The following CACNA1S variants were observed in gnomAD, a reference collection of about 807,000 sequenced individuals.
CACNA1S encodes calcium voltage-gated channel subunit alpha1 S.
CACNA1S carries 126 observed loss-of-function variants against 207.4 expected under a neutral mutation model. That is an observed-to-expected ratio of 0.61 (90% CI 0.53 to 0.70). The LOEUF is 0.70. Ranked by LOEUF, CACNA1S falls within the 30% of genes least tolerant of loss-of-function variation. CACNA1S has a pLI of 0.00. For missense variants in CACNA1S, 2,349 were observed against 2,422.8 expected (o/e 0.97, Z 0.64); for synonymous variants, 960 against 932.7 (o/e 1.03, Z -0.53).
rs531186512 is a variant in CACNA1S at position 201,067,201 on chromosome 1, G to A, written c.2551-208C>T. Among the ~76,000 whole-genome samples the A allele has an allele frequency of 1.1e-4, 17 of 152,278 alleles. 1 individual carries two copies. The South Asian group carries it at 2.3e-3, about 20-fold the overall frequency. On this transcript the variant is annotated intron_variant, in intron 19 of 43. Transcript: ENST00000362061. ...TTGTTGAAATGTGAGGACTTCTCAC[G>A]GGCAGCTGGGCCAGAAGTCTCTTTC...
rs781639323 is a variant in CACNA1S at position 201,069,208 on chromosome 1, G to A, written c.2491-12C>T. 8.7e-6 allele frequency: 14 copies of A among 1,613,388 alleles called. No homozygotes were observed. In the East Asian group the frequency reaches 2.5e-4, roughly 28 times the overall value. Reference sequence around the variant, plus strand: ...AAGTGTTTAAGGATCTGGGGACAGGGCAGGGGCGGGAGCAGCCAGTGAGAG... The same window carrying A: ...AAGTGTTTAAGGATCTGGGGACAGGACAGGGGCGGGAGCAGCCAGTGAGAG... On this transcript the variant is annotated splice_polypyrimidine_tract_variant and intron_variant, in intron 18 of 43. Coordinates refer to ENST00000362061, the MANE Select transcript of CACNA1S (RefSeq NM_000069.3).
In CACNA1S at chr1:201,054,560, GTC is replaced by G. The variant is rs762182970; in HGVS notation, c.3610-1_3610del. On this transcript the variant is annotated splice_acceptor_variant and coding_sequence_variant, in exon 29 of 44. Transcript: ENST00000362061. LOFTEE classifies it high-confidence loss of function. ...CAGTCCCCCGCTGGAGGCCAGGAAA[GTC>G]TGTGGAGAAAAGAGACGAAGGGAGG... The G allele has an allele frequency of 1.9e-6, 3 of 1,613,178 alleles. No individual in the cohort carries two copies. The highest frequency in any genetic ancestry group is 2.2e-5 in the South Asian group (2 of 90,826).
chr1:201,042,133 T>A (rs1204661479), intron 40 of CACNA1S, among the ~76,000 whole-genome samples: 1 of 152,146 alleles, frequency 6.6e-6, no homozygotes, highest in African/African-American at 2.4e-5. Flanking sequence ...TGTTTATTTG[T>A]TTTGTTTTGT....
intron 25 of CACNA1S, 34 bp from the exon 26 acceptor site, chr1:201,060,850 A>AGAG: frequency 1.9e-6 from 3 of 1,613,606 alleles, no homozygotes; most frequent in Non-Finnish European, 2.5e-6. Flanking sequence ...GTCAGCACCA[A>AGAG]GAGGCCCCTC....
chr1:201,044,725 G>A (rs1485923377), intron 38 of CACNA1S, among the ~76,000 whole-genome samples: 4 of 152,184 alleles, frequency 2.6e-5, no homozygotes, highest in Admixed American at 2.0e-4. Flanking sequence ...TGGCTAGGCT[G>A]GTCTCAAACT....
chr1:201,083,250 A>G lies in CACNA1S; in HGVS notation c.1305T>C (p.Tyr435=), dbSNP rs763639897. 2.9e-5 allele frequency: 47 copies of G among 1,614,112 alleles called. No individual in the cohort carries two copies. Among genetic ancestry groups the G allele is most frequent in the Admixed American group, 1.2e-4 (7 of 60,004 alleles). ...GGGCAACGATGAGAATCACCAGCCA[A>G]TAGAAGACCTTGGACTTCACGATGT... ...CHDIVKSKVF[Y]WLVILIVALN... is the part of the protein sequence containing the mutation. Residue 435 remains tyrosine, a synonymous_variant, in exon 10 of 44, where the codon TAT becomes TAC. Coordinates refer to ENST00000362061, the MANE Select transcript of CACNA1S (RefSeq NM_000069.3).
At chr1:201,106,106 G>A (rs1490632431) in intron 2 of CACNA1S, among the ~76,000 whole-genome samples, 1 of 151,798 alleles carries the variant, frequency 6.6e-6, no homozygotes, top group Admixed American at 6.6e-5. Context: ...AAGTGATACT[G>A]CCATCTGCTC....
intron 22 of CACNA1S, 116 bp downstream of exon 22, chr1:201,065,722 T>C (rs944104425): frequency 1.3e-6 from 1 of 740,800 alleles, no homozygotes. Flanking sequence ...TATTCTCATA[T>C]GGAAATCTGT....
chr1:201,043,079 T>C lies in CACNA1S; in HGVS notation c.5048+202A>G, dbSNP rs888623724. On this transcript the variant is annotated intron_variant, in intron 40 of 43. Transcript: ENST00000362061. ...AACACTGGGGCCAATACTGACATGA[T>C]GTGAGGCTTCCCCCTGCTGGCCAAA... 7 of 616,444 alleles carry C rather than the reference T, an allele frequency of 1.1e-5. No individual in the cohort carries two copies. The Admixed American group carries it at 1.6e-4, about 14-fold the overall frequency. 38.2% of individuals were successfully genotyped at this position (616,444 alleles called of 1,614,324 possible). A position where few individuals can be genotyped will look rare whatever the true frequency, so the allele number is the denominator to read the frequency against.
chr1:201,082,711 T>C (rs1265061462), intron 10 of CACNA1S, among the ~76,000 whole-genome samples: 1 of 152,250 alleles, frequency 6.6e-6, no homozygotes, highest in Admixed American at 6.5e-5. Context: ...GTGTTCTCTG[T>C]ATCCTGAGTT....
intron 28 of CACNA1S, among the ~76,000 whole-genome samples, chr1:201,056,491 G>T (rs1271306182): frequency 6.6e-6 from 1 of 152,212 alleles, no homozygotes; most frequent in Non-Finnish European, 1.5e-5. Context: ...CCCTATGCAT[G>T]GGTGAGCCCC....
At chr1:201,060,944 A>G in intron 25 of CACNA1S, 128 bp from the exon 26 acceptor site, 1 of 1,154,702 alleles carries the variant, frequency 8.7e-7, no homozygotes, top group Non-Finnish European at 1.3e-6. Flanking sequence ...AGGACTGTGA[A>G]CTGTTTAGGG....
intron 12 of CACNA1S, among the ~76,000 whole-genome samples, chr1:201,076,080 A>C (rs1385688121): frequency 6.6e-6 from 1 of 152,190 alleles, no homozygotes; most frequent in Non-Finnish European, 1.5e-5. Flanking sequence ...AAAACAAAAC[A>C]AAACCCCTAT....
At chr1:201,073,397 C>A in intron 15 of CACNA1S, 152 bp downstream of exon 15, 1 of 758,076 alleles carries the variant, frequency 1.3e-6, no homozygotes, top group Non-Finnish European at 2.4e-6. Flanking sequence ...TTCGCTGGCT[C>A]TCCCTCCAGT....
chr1:201,085,674 T>A, intron 7 of CACNA1S, 93 bp from the exon 8 acceptor site: 1 of 1,463,782 alleles, frequency 6.8e-7, no homozygotes, highest in Non-Finnish European at 9.4e-7. Context: ...GCCCATTCTG[T>A]GACTGGAGCG....
intron 2 of CACNA1S, among the ~76,000 whole-genome samples, chr1:201,101,761 G>A (rs1331029969): frequency 3.3e-5 from 5 of 152,264 alleles, no homozygotes; most frequent in Non-Finnish European, 7.3e-5. Context: ...CCCCATGGGA[G>A]GATGGTGGGT....
intron 40 of CACNA1S, 71 bp downstream of exon 40, chr1:201,043,210 T>C (rs985280898): frequency 6.2e-5 from 99 of 1,607,180 alleles, no homozygotes; most frequent in Middle Eastern, 5.0e-4. Flanking sequence ...CCTCTTCCAA[T>C]CCAACCTGGA....
At chr1:201,061,575 C>T in intron 24 of CACNA1S, 107 bp from the exon 25 acceptor site, 1 of 1,077,174 alleles carries the variant, frequency 9.3e-7, no homozygotes. Flanking sequence ...GCCAAGAGAG[C>T]CTTCTCAACA....
chr1:201,041,180 A>G (rs1427086878), intron 41 of CACNA1S, among the ~76,000 whole-genome samples: 1 of 152,034 alleles, frequency 6.6e-6, no homozygotes, highest in African/African-American at 2.4e-5. Flanking sequence ...CCTTCCAGGG[A>G]CCTGGGGCGG....
Sources: allele counts gnomAD v4.1 joint callset (sites outside exome capture counted in the v4.1 genomes callset), GRCh38; gene constraint gnomAD v4.1.1; transcripts MANE v1.5; gene names NCBI Gene and HGNC (gene_info 2026-07-23, HGNC 2026-07-21).